RPS6KC1: variants seen among roughly 807,000 people sequenced by gnomAD.
RPS6KC1 encodes the protein inactive ribosomal protein S6 kinase delta-1.
In RPS6KC1, 54 loss-of-function variants were observed where a neutral mutation model predicts 103.8. The observed-to-expected ratio is 0.52, with a 90% CI of 0.42 to 0.65. The LOEUF (loss-of-function observed/expected upper bound fraction) is 0.65, where lower values mean the gene tolerates loss of function less well. RPS6KC1 is among the 30% of genes least tolerant of loss of function. The probability of loss-of-function intolerance (pLI) is 0.00; values close to 1 mark genes in which losing one functional copy is unlikely to be tolerated. For missense variants in RPS6KC1, 1,151 were observed against 1,253.8 expected, an observed-to-expected ratio of 0.92 and a Z score of 1.24; for synonymous variants, 439 against 438.7, an observed-to-expected ratio of 1.00 and a Z score of -0.01.
At chr1:213,821,013 C>T in the RPS6KC1 span, 1 of 152,148 alleles carries the variant, frequency 6.6e-6, no homozygotes, top group Non-Finnish European at 1.5e-5. Context: ...CCTCTCTGAT[C>T]CAAGTTCCTA....
the RPS6KC1 span, among the ~76,000 whole-genome samples, chr1:213,795,970 A>G: frequency 3.3e-5 from 5 of 152,160 alleles, no homozygotes; most frequent in Admixed American, 2.6e-4. Context: ...CAAGGCAGTG[A>G]CTTTGGTCTC....
the RPS6KC1 span, among the ~76,000 whole-genome samples, chr1:213,709,097 A>G: frequency 2.6e-5 from 4 of 151,880 alleles, no homozygotes; most frequent in Non-Finnish European, 5.9e-5. Context: ...CTCTTTTTCT[A>G]TTGTTTTGAA....
At chr1:213,151,096 A>T (rs2088733988) in intron 6 of RPS6KC1, among the ~76,000 whole-genome samples, 1 of 127,606 alleles carries the variant, frequency 7.8e-6, no homozygotes, top group Non-Finnish European at 1.6e-5. Context: ...CACCTCCCGG[A>T]TGGGGGGGCT....
chr1:213,566,426 C>A, the RPS6KC1 span, among the ~76,000 whole-genome samples: 1 of 77,658 alleles, frequency 1.3e-5, no homozygotes, highest in African/African-American at 4.3e-5. Flanking sequence ...CTTGGAACTT[C>A]TCAGCCTTTA....
At chr1:213,532,735 T>C in the RPS6KC1 span, among the ~76,000 whole-genome samples, 1 of 152,134 alleles carries the variant, frequency 6.6e-6, no homozygotes, top group African/African-American at 2.4e-5. Flanking sequence ...CTTGCCGGCC[T>C]TCAGAGGGGG....
the RPS6KC1 span, among the ~76,000 whole-genome samples, chr1:213,576,157 A>G: frequency 5.3e-5 from 8 of 152,256 alleles, 1 homozygote; most frequent in South Asian, 4.1e-4. Flanking sequence ...TCTGCCTCCA[A>G]TGATTTAACC....
the RPS6KC1 span, among the ~76,000 whole-genome samples, chr1:213,488,552 G>C: frequency 1.3e-5 from 2 of 152,086 alleles, no homozygotes; most frequent in Non-Finnish European, 2.9e-5. Flanking sequence ...TTAAAGAGTG[G>C]ACTTTCACAA....
the RPS6KC1 span, chr1:213,819,344 A>C: frequency 6.6e-6 from 1 of 152,226 alleles, no homozygotes; most frequent in Admixed American, 6.5e-5. Context: ...CAAAAGCCAG[A>C]GATCGTGAAT....
At chr1:213,449,275 C>T in the RPS6KC1 span, among the ~76,000 whole-genome samples, 1 of 149,412 alleles carries the variant, frequency 6.7e-6, no homozygotes, top group East Asian at 2.1e-4. Context: ...CACAAAATTT[C>T]AATATGCTAT....
At chr1:213,361,788 G>C in the RPS6KC1 span, among the ~76,000 whole-genome samples, 1 of 152,208 alleles carries the variant, frequency 6.6e-6, no homozygotes, top group Non-Finnish European at 1.5e-5. Flanking sequence ...ATGACAACTT[G>C]GAGAGGGCGT....
chr1:213,483,046 CTT>C, the RPS6KC1 span, among the ~76,000 whole-genome samples: 8,293 of 152,102 alleles, frequency 0.055, 419 homozygotes, highest in East Asian at 0.27. Flanking sequence ...TAGTGAGAGT[CTT>C]TATTATATAC....
chr1:213,852,221 T>C, the RPS6KC1 span, among the ~76,000 whole-genome samples: 1 of 152,206 alleles, frequency 6.6e-6, no homozygotes, highest in East Asian at 1.9e-4. Flanking sequence ...GCCCTTGAGA[T>C]ACAGTTTAAT....
the RPS6KC1 span, among the ~76,000 whole-genome samples, chr1:213,740,711 A>G: frequency 6.7e-6 from 1 of 148,180 alleles, no homozygotes; most frequent in Non-Finnish European, 1.5e-5. Flanking sequence ...TACATCTCAG[A>G]TATATGTACA....
the RPS6KC1 span, among the ~76,000 whole-genome samples, chr1:213,446,115 G>C: frequency 6.6e-6 from 1 of 152,168 alleles, no homozygotes; most frequent in Non-Finnish European, 1.5e-5. Context: ...CCAAACTTTG[G>C]AGTCTGGGCT....
At chr1:213,186,463 T>A (rs1419962168) in intron 8 of RPS6KC1, among the ~76,000 whole-genome samples, 4 of 152,122 alleles carry the variant, frequency 2.6e-5, no homozygotes, top group Non-Finnish European at 5.9e-5. Flanking sequence ...AATGTGGAGG[T>A]CCTTTATATG....
intron 7 of RPS6KC1, among the ~76,000 whole-genome samples, chr1:213,175,142 AC>A (rs201601055): frequency 0.011 from 1,631 of 152,124 alleles, 31 homozygotes; most frequent in Middle Eastern, 0.051. Context: ...TTTCCAAGTA[AC>A]CTCCCTCCCT....
At chr1:213,144,727 T>C (rs1278371775) in intron 6 of RPS6KC1, among the ~76,000 whole-genome samples, 1 of 151,972 alleles carries the variant, frequency 6.6e-6, no homozygotes, top group African/African-American at 2.4e-5. Context: ...CAGTGTACAA[T>C]AGCAATATCA....
chr1:213,132,239 G>A (rs1355121366), intron 6 of RPS6KC1, among the ~76,000 whole-genome samples: 1 of 152,088 alleles, frequency 6.6e-6, no homozygotes, highest in East Asian at 1.9e-4. Flanking sequence ...TTGTCTTTTT[G>A]AAAGCACAAT....
the RPS6KC1 span, among the ~76,000 whole-genome samples, chr1:213,609,299 G>C: frequency 6.6e-6 from 1 of 152,292 alleles, no homozygotes; most frequent in East Asian, 1.9e-4. Context: ...ACTCCTTGTA[G>C]GTCCTTGATA....
Sources: allele counts gnomAD v4.1 joint callset (sites outside exome capture counted in the v4.1 genomes callset), GRCh38; gene constraint gnomAD v4.1.1; transcripts MANE v1.5; gene names NCBI Gene and HGNC (gene_info 2026-07-23, HGNC 2026-07-21).